SMAD1: variants seen among roughly 807,000 people sequenced by gnomAD.
The protein encoded by SMAD1 is SMAD family member 1, also known as MAD, mothers against decapentaplegic homolog 1.
Under a neutral mutation model 41.6 loss-of-function variants are expected in SMAD1, and 6 were observed. The ratio of observed to expected loss-of-function variants is 0.14; its 90% CI spans 0.08 to 0.28. The LOEUF (loss-of-function observed/expected upper bound fraction) is 0.28, where lower values mean the gene tolerates loss of function less well. Among genes scored for constraint, SMAD1 ranks in the 10% least tolerant of loss-of-function variants. The probability of loss-of-function intolerance (pLI) is 1.00; values close to 1 mark genes in which losing one functional copy is unlikely to be tolerated. For missense variants in SMAD1, 379 were observed against 582.6 expected, an observed-to-expected ratio of 0.65 and a Z score of 3.60; for synonymous variants, 206 against 203.2, an observed-to-expected ratio of 1.01 and a Z score of -0.12.
At chr4:145,533,424 G>A (rs1461491901) in intron 2 of SMAD1, among the ~76,000 whole-genome samples, 1 of 152,226 alleles carries the variant, frequency 6.6e-6, no homozygotes, top group Non-Finnish European at 1.5e-5. Flanking sequence ...GGTGGCTCAT[G>A]CCTGTAATCC....
intron 1 of SMAD1, among the ~76,000 whole-genome samples, chr4:145,501,893 G>A (rs1460373855): frequency 2.0e-5 from 3 of 152,068 alleles, no homozygotes; most frequent in African/African-American, 7.2e-5. Flanking sequence ...TTGGTGTGAG[G>A]AGTCAATGTA....
chr4:145,532,521 T>C (rs575134489), intron 2 of SMAD1, among the ~76,000 whole-genome samples: 2 of 152,282 alleles, frequency 1.3e-5, no homozygotes, highest in East Asian at 3.9e-4. Flanking sequence ...AGGACATACA[T>C]GGTCTGATTT....
chr4:145,505,711 C>G (rs559468445), intron 1 of SMAD1, among the ~76,000 whole-genome samples: 45 of 151,844 alleles, frequency 3.0e-4, no homozygotes, highest in Non-Finnish European at 5.0e-4. Flanking sequence ...AAGCTCAAGT[C>G]TTACTTTTTC....
intron 3 of SMAD1, among the ~76,000 whole-genome samples, chr4:145,540,394 A>G (rs1219759061): frequency 6.6e-6 from 1 of 152,266 alleles, no homozygotes. Flanking sequence ...TGTTACACAC[A>G]TTTGCTCTTA....
At chr4:145,520,727 T>G (rs150843065) in intron 2 of SMAD1, among the ~76,000 whole-genome samples, 2 of 152,234 alleles carry the variant, frequency 1.3e-5, no homozygotes, top group Non-Finnish European at 2.9e-5. Flanking sequence ...GTTATTCGGC[T>G]CAGTGCAAGT....
chr4:145,521,918 A>G (rs1730760976), intron 2 of SMAD1, among the ~76,000 whole-genome samples: 1 of 149,716 alleles, frequency 6.7e-6, no homozygotes, highest in African/African-American at 2.5e-5. Flanking sequence ...AAAAAAAAAA[A>G]GCAGCTAGTT....
intron 2 of SMAD1, among the ~76,000 whole-genome samples, chr4:145,521,698 A>G (rs1449998646): frequency 2.0e-5 from 3 of 152,206 alleles, no homozygotes; most frequent in African/African-American, 7.2e-5. Flanking sequence ...GGGTGTAGCC[A>G]TAAAAGGGCA....
At chr4:145,491,871 A>G (rs1269451667) in intron 1 of SMAD1, among the ~76,000 whole-genome samples, 2 of 152,180 alleles carry the variant, frequency 1.3e-5, no homozygotes, top group Admixed American at 6.5e-5. Flanking sequence ...TTGCAGTATT[A>G]GATTTTATAG....
chr4:145,486,071 C>T (rs1728467020), intron 1 of SMAD1, among the ~76,000 whole-genome samples: 1 of 152,150 alleles, frequency 6.6e-6, no homozygotes. Context: ...CATTGTTCTG[C>T]TGTGCTTTAC....
In SMAD1 at chr4:145,482,230, C is replaced by CCG. The variant is rs1364152950; in HGVS notation, c.-177+193_-177+194insGC. ...TGCGCGGGGCGGGCCGCGACCCCCC[C>CCG]CCCCCATGATGGCGCCTCCCGTCTG... is the stretch of plus-strand genomic sequence containing the variant. On this transcript the variant is annotated intron_variant, in intron 1 of 6. Coordinates refer to ENST00000302085, the MANE Select transcript of SMAD1 (RefSeq NM_005900.3). This position sits in a 1 kb window ranked among gnomAD's most constrained non-coding sequence, Gnocchi z 4.2. 1.1e-4 allele frequency among the ~76,000 whole-genome samples: 17 copies of CCG among 150,196 alleles called. No individual in the cohort carries two copies. The highest frequency in any genetic ancestry group is 3.9e-4 in the African/African-American group (16 of 41,260).
Position 145,553,731 on chromosome 4 carries a change from T to C in SMAD1, c.998-53T>C, listed in dbSNP as rs533201071. On this transcript the variant is annotated intron_variant, in intron 5 of 6. Coordinates refer to ENST00000302085, the MANE Select transcript of SMAD1 (RefSeq NM_005900.3). ...TCTGTGTTGAAGCTGCACAGGTGCC[T>C]TTGAGCTGTAAAAATTAATAATAAC... 4 of 1,536,802 alleles carry C rather than the reference T, an allele frequency of 2.6e-6. No homozygotes were observed. The South Asian group carries it at 3.5e-5, about 13-fold the overall frequency.
chr4:145,538,916 A>G (rs562006231), intron 2 of SMAD1, among the ~76,000 whole-genome samples: 2 of 152,096 alleles, frequency 1.3e-5, no homozygotes, highest in Non-Finnish European at 2.9e-5. Context: ...GGATAATTAT[A>G]TTTATAGTGG....
chr4:145,539,333 G>A (rs1215155754), intron 2 of SMAD1, among the ~76,000 whole-genome samples: 1 of 152,124 alleles, frequency 6.6e-6, no homozygotes, highest in Non-Finnish European at 1.5e-5. Flanking sequence ...GCTTTTTTGT[G>A]TTAAAGTGAA....
intron 3 of SMAD1, 33 bp downstream of exon 3, chr4:145,540,094 C>T: frequency 6.2e-7 from 1 of 1,611,876 alleles, no homozygotes; most frequent in Non-Finnish European, 8.5e-7. Flanking sequence ...GTTCTGTAGT[C>T]ATATCAGACA....
At chr4:145,516,732 A>G (rs1730415113) in intron 2 of SMAD1, among the ~76,000 whole-genome samples, 1 of 152,230 alleles carries the variant, frequency 6.6e-6, no homozygotes, top group African/African-American at 2.4e-5. Flanking sequence ...AAATGGAGCT[A>G]AGAGTTTTGG....
chr4:145,536,232 C>T (rs889454041), intron 2 of SMAD1, among the ~76,000 whole-genome samples: 1 of 152,102 alleles, frequency 6.6e-6, no homozygotes, highest in African/African-American at 2.4e-5. Context: ...CCAGTACACA[C>T]ACGCACACAC....
chr4:145,523,821 T>TG (rs1404077917), intron 2 of SMAD1, among the ~76,000 whole-genome samples: 1 of 152,212 alleles, frequency 6.6e-6, no homozygotes, highest in Admixed American at 6.5e-5. Flanking sequence ...GGGTGCCCTC[T>TG]GGCTTTTGCA....
rs1327750936 is a variant in SMAD1, at chr4:145,481,926, C to G, written c.-289C>G. The stretch of plus-strand genomic sequence containing the variant: ...AGAGGCCGAGCGGCTCAACCCGGGC[C>G]GAGGCTCGGGGAGCGGAGAGTGGCG... On this transcript the variant is annotated 5_prime_UTR_variant, in exon 1 of 7. Transcript: ENST00000302085. 2 of 152,450 alleles carry G rather than the reference C, an allele frequency of 1.3e-5. No individual in the cohort carries two copies. Among genetic ancestry groups the G allele is most frequent in the East Asian group, 1.9e-4 (1 of 5,172 alleles). 9.4% of individuals were successfully genotyped at this position (152,450 alleles called of 1,614,324 possible).
At chr4:145,545,828 A>C (rs1732222227) in intron 4 of SMAD1, 1 of 152,228 alleles carries the variant, frequency 6.6e-6, no homozygotes, top group African/African-American at 2.4e-5. Flanking sequence ...GGAGTGGTAC[A>C]AGAGGTTTTA....
Sources: gnomAD v4.1 joint callset for allele counts (sites outside exome capture counted in the v4.1 genomes callset) on GRCh38, gnomAD v4.1.1 for gene constraint, Gnocchi (gnomAD v3.1) non-coding constraint, MANE v1.5 for transcripts, NCBI Gene and HGNC (gene_info 2026-07-23, HGNC 2026-07-21) for gene names.